Variants in THBS4 observed in about 807,000 individuals in gnomAD.
THBS4 encodes thrombospondin 4.
In THBS4, 90 loss-of-function variants were observed where a neutral mutation model predicts 115.7. The ratio of observed to expected loss-of-function variants is 0.78; its 90% CI spans 0.66 to 0.93. The LOEUF (loss-of-function observed/expected upper bound fraction) is 0.93. Among genes scored for constraint, THBS4 ranks in the 40% least tolerant of loss-of-function variants. The probability of loss-of-function intolerance (pLI) is 0.00; values close to 1 mark genes in which losing one functional copy is unlikely to be tolerated. For missense variants in THBS4, 1,087 were observed against 1,232.7 expected (o/e 0.88, Z 1.77); for synonymous variants, 460 against 479.3 (o/e 0.96, Z 0.53).
chr5:80,021,886 G>T (rs558228124), intron 2 of THBS4, among the ~76,000 whole-genome samples: 14 of 152,274 alleles, frequency 9.2e-5, no homozygotes, highest in Middle Eastern at 3.4e-3. Context: ...TTGTGGGAAA[G>T]TGTAAAAACA....
intron 8 of THBS4, among the ~76,000 whole-genome samples, chr5:80,064,801 A>ACTT (rs142847800): frequency 3.2e-3 from 482 of 152,298 alleles, no homozygotes; most frequent in Non-Finnish European, 5.0e-3. Flanking sequence ...GACAAATAAA[A>ACTT]CTTTTATCAA....
chr5:80,055,157 A>G (rs1833381602), intron 2 of THBS4, among the ~76,000 whole-genome samples: 1 of 152,042 alleles, frequency 6.6e-6, no homozygotes, highest in Non-Finnish European at 1.5e-5. Flanking sequence ...CCCTGTCTCT[A>G]CAAAAAATAT....
chr5:80,073,533 G>C (rs373091548), intron 15 of THBS4, among the ~76,000 whole-genome samples: 1 of 152,018 alleles, frequency 6.6e-6, no homozygotes, highest in African/African-American at 2.4e-5. Context: ...ACAGGCGCCC[G>C]CTACCATGCC....
chr5:80,081,713 G>C (rs527676368), intron 20 of THBS4, among the ~76,000 whole-genome samples: 12 of 152,346 alleles, frequency 7.9e-5, no homozygotes, highest in African/African-American at 2.6e-4. Context: ...TATACTTGCT[G>C]TTTACAAGTG....
chr5:80,059,380 A>G (rs1833545974), intron 5 of THBS4, 60 bp from the exon 6 acceptor site: 2 of 1,518,736 alleles, frequency 1.3e-6, no homozygotes, highest in Non-Finnish European at 1.8e-6. Flanking sequence ...GGATTCTTTC[A>G]TTCCTGGATG....
chr5:80,070,525 C>A, intron 11 of THBS4, 115 bp downstream of exon 11: 1 of 1,367,496 alleles, frequency 7.3e-7, no homozygotes, highest in Non-Finnish European at 1.0e-6. Context: ...AAAGTAGCTG[C>A]ATCTCAGAGG....
rs1833556570 is a variant in THBS4, at chr5:80,059,602, G to A, written c.785-101G>A. On this transcript the variant is annotated intron_variant, in intron 6 of 21. Coordinates refer to ENST00000350881, the MANE Select transcript of THBS4 (RefSeq NM_003248.6). ...TTTCTGAAGGTCTACCACATAGTTG[G>A]AGGGGAGGGAGGAAAAGTTCAATAG... is the stretch of plus-strand genomic sequence containing the variant. 7.5e-6 allele frequency: 12 copies of A among 1,589,994 alleles called. No individual in the cohort carries two copies. The South Asian group carries it at 1.1e-4, about 15-fold the overall frequency.
intron 2 of THBS4, among the ~76,000 whole-genome samples, chr5:80,045,683 A>G (rs1171761254): frequency 8.6e-5 from 13 of 152,034 alleles, no homozygotes; most frequent in Non-Finnish European, 1.2e-4. Flanking sequence ...GGCATGCGCC[A>G]CCAGACCCAG....
chr5:80,055,946 T>C lies in THBS4; in HGVS notation c.454T>C (p.Ser152Pro). The change falls in exon 3 of 22, where the codon TCC becomes CCC. Residue 152 changes from serine (S) to proline (P), a missense_variant. Coordinates refer to ENST00000350881, the MANE Select transcript of THBS4 (RefSeq NM_003248.6). The stretch of plus-strand genomic sequence containing the variant: ...CTACCTGGACTGCATCCAGGTGGAT[T>C]CCGTTCACAATCTCCCCAGGGCCTT... Reference protein sequence around the residue: ...ELYLDCIQVDSVHNLPRAFAG... With the variant: ...ELYLDCIQVDPVHNLPRAFAG... 3 of 1,614,204 alleles carry C rather than the reference T, an allele frequency of 1.9e-6. No homozygotes were observed. The highest frequency in any genetic ancestry group is 1.7e-6 in the Non-Finnish European group (2 of 1,180,034).
At chr5:80,071,439 G>A (rs146161561) in intron 13 of THBS4, among the ~76,000 whole-genome samples, 5 of 152,220 alleles carry the variant, frequency 3.3e-5, no homozygotes, top group African/African-American at 9.6e-5. Context: ...TTCAAGCAGT[G>A]TCTTGTCAGA....
intron 2 of THBS4, among the ~76,000 whole-genome samples, chr5:80,047,637 T>A (rs868151935): frequency 3.2e-4 from 42 of 129,898 alleles, no homozygotes; most frequent in Admixed American, 6.8e-4. Context: ...TTAAGAATTT[T>A]TTTTTTTTTT....
At position 80,045,411 on chromosome 5, in the gene THBS4, G is replaced by T. The variant is rs78180190; in HGVS notation, c.292+5131G>T. On this transcript the variant is annotated intron_variant, in intron 2 of 21. Coordinates refer to ENST00000350881, the MANE Select transcript of THBS4 (RefSeq NM_003248.6). Reference sequence around the variant, plus strand: ...GTTCAGAGTAGTGGTTCTGTAGCTTGCAAGCTAAAGAGAAATATAGATTAA... The same window carrying T: ...GTTCAGAGTAGTGGTTCTGTAGCTTTCAAGCTAAAGAGAAATATAGATTAA... 2.4e-3 allele frequency among the ~76,000 whole-genome samples: 364 copies of T among 152,116 alleles called. 2 individuals are homozygous for T. Among genetic ancestry groups the T allele is most frequent in the African/African-American group, 8.1e-3 (337 of 41,498 alleles).
chr5:80,082,383 C>G (rs755714821), intron 20 of THBS4, 23 bp from the exon 21 acceptor site: 5 of 1,611,468 alleles, frequency 3.1e-6, no homozygotes. Flanking sequence ...TCATGGAGGC[C>G]CCTCCGGCCG....
At chr5:80,001,550 G>C (rs772196012) in intron 2 of THBS4, among the ~76,000 whole-genome samples, 3 of 152,210 alleles carry the variant, frequency 2.0e-5, no homozygotes, top group Non-Finnish European at 2.9e-5. Context: ...TGAGGTTATA[G>C]AAGAGGAATT....
intron 2 of THBS4, among the ~76,000 whole-genome samples, chr5:80,012,709 T>C (rs558140116): frequency 6.6e-6 from 1 of 152,292 alleles, no homozygotes; most frequent in African/African-American, 2.4e-5. Flanking sequence ...CTTGAGACAA[T>C]CTGAGTGTCC....
chr5:80,050,611 G>C (rs769676055), intron 2 of THBS4, among the ~76,000 whole-genome samples: 1 of 152,210 alleles, frequency 6.6e-6, no homozygotes, highest in Admixed American at 6.5e-5. Flanking sequence ...CTTGGAGCCA[G>C]AGGCTGCATG....
intron 8 of THBS4, among the ~76,000 whole-genome samples, chr5:80,063,102 A>G (rs1833696563): frequency 1.3e-5 from 2 of 152,238 alleles, no homozygotes; most frequent in Non-Finnish European, 2.9e-5. Context: ...TCCTTGAGGA[A>G]TCGCCACACT....
At chr5:80,061,572 CTTTTATTAT>C in intron 7 of THBS4, 114 bp from the exon 8 acceptor site, 1 of 1,325,610 alleles carries the variant, frequency 7.5e-7, no homozygotes, top group Non-Finnish European at 1.0e-6. Context: ...CCTTTATTTC[CTTTTATTAT>C]TTTTTCCACC....
chr5:80,078,912 T>A lies in THBS4; in HGVS notation c.2266-9T>A. 1 of 1,613,568 alleles carries A rather than the reference T, an allele frequency of 6.2e-7. No individual in the cohort carries two copies. The highest frequency in any genetic ancestry group is 8.5e-7 in the Non-Finnish European group (1 of 1,179,580). On this transcript the variant is annotated splice_polypyrimidine_tract_variant and intron_variant, in intron 17 of 21. Coordinates refer to ENST00000350881, the MANE Select transcript of THBS4 (RefSeq NM_003248.6). ...AGACTGTTCTGAACTCCCTCAACTC[T>A]CTCTGCAGGGCATGGAGATTGTACA...
Sources: gnomAD v4.1 joint callset for allele counts (sites outside exome capture counted in the v4.1 genomes callset) on GRCh38, gnomAD v4.1.1 for gene constraint, MANE v1.5 for transcripts, NCBI Gene and HGNC (gene_info 2026-07-23, HGNC 2026-07-21) for gene names.